ABCC10: variants seen among roughly 807,000 people sequenced by gnomAD.
The protein encoded by ABCC10 is ATP-binding cassette sub-family C member 10.
Under a neutral mutation model 143.2 loss-of-function variants are expected in ABCC10, and 110 were observed. That is an observed-to-expected ratio of 0.77 (90% confidence interval 0.66 to 0.90). The LOEUF is 0.90. Ranked by LOEUF, ABCC10 falls within the 40% of genes least tolerant of loss-of-function variation. The pLI is 0.00. For missense variants in ABCC10, 1,700 were observed against 1,900.5 expected (o/e 0.89, Z 1.96); for synonymous variants, 805 against 846.7 (o/e 0.95, Z 0.85).
In ABCC10 at chr6:43,444,906, G is replaced by A. The variant is rs763133681; in HGVS notation, c.2808G>A (p.Pro936=). The change falls in exon 13 of 22, where the codon CCG becomes CCA. Residue 936 remains proline, a synonymous_variant. Coordinates refer to ENST00000372530, the MANE Select transcript of ABCC10 (RefSeq NM_001198934.2). ...TSPASMGLFS[P]QLLLFSPGNL... Reference sequence around the variant, plus strand: ...CAGCTTCTATGGGGCTCTTCTCTCCGCAGCTGCTCCTCTTTTCCCCTGGAA... The same window carrying A: ...CAGCTTCTATGGGGCTCTTCTCTCCACAGCTGCTCCTCTTTTCCCCTGGAA... 25 of 1,613,638 alleles carry A rather than the reference G, an allele frequency of 1.5e-5. No homozygotes were observed. The Middle Eastern group carries it at 4.9e-4, about 32-fold the overall frequency.
Position 43,432,578 on chromosome 6 carries a change from G to A in ABCC10, c.598G>A (p.Ala200Thr), listed in dbSNP as rs1781252647. 1.2e-6 allele frequency: 2 copies of A among 1,613,696 alleles called. No homozygotes were observed. Among genetic ancestry groups the A allele is most frequent in the Non-Finnish European group, 8.5e-7 (1 of 1,180,016 alleles). Residue 200 changes from alanine to threonine, a missense_variant, in exon 3 of 22, where the codon GCT becomes ACT. By Grantham distance (58) the Ala-to-Thr change is moderately conservative. Transcript: ENST00000372530. The stretch of plus-strand genomic sequence containing the variant: ...TCCTGGGGGACCACGAGAACCCTGG[G>A]CTCAGGAGCCCCTCCTGCCCGAGGA... Reference protein sequence around the residue: ...AAPGGPREPWAQEPLLPEDQE... With the variant: ...AAPGGPREPWTQEPLLPEDQE...
chr6:43,436,125 C>G lies in ABCC10; in HGVS notation c.1766-13C>G. On this transcript the variant is annotated splice_polypyrimidine_tract_variant and intron_variant, in intron 5 of 21. Transcript: ENST00000372530. ...TAGATTAGGAGCCCAAATCAAGTGG[C>G]TTCTCTGTTCAGATCCCCCTGCAGA... 6.2e-7 allele frequency: 1 copy of G among 1,614,158 alleles called. No homozygotes were observed. Among genetic ancestry groups the G allele is most frequent in the Non-Finnish European group, 8.5e-7 (1 of 1,179,972 alleles).
In ABCC10 at chr6:43,448,883, C is replaced by T. The variant is rs762987230; in HGVS notation, c.3962C>T (p.Ser1321Phe). ...TSQLELAQLR[S>F]QLAIIPQEPF... The stretch of plus-strand genomic sequence containing the variant: ...GACTCCATGTCATTGTCCCCCAGAT[C>T]CCAGTTGGCTATCATCCCCCAGGAG... Residue 1321 changes from serine to phenylalanine, a missense_variant and splice_region_variant, in exon 19 of 22, where the codon TCC (serine) becomes TTC (phenylalanine). By Grantham distance (155) the Ser-to-Phe change is radical. Transcript: ENST00000372530. 6.2e-6 allele frequency: 10 copies of T among 1,610,662 alleles called. No homozygotes were observed. The South Asian group carries it at 8.8e-5, about 14-fold the overall frequency.
intron 16 of ABCC10, 47 bp from the exon 17 acceptor site, chr6:43,447,200 CG>C: frequency 6.3e-7 from 1 of 1,588,318 alleles, no homozygotes; most frequent in Non-Finnish European, 8.6e-7. Flanking sequence ...CTCCCACAAA[CG>C]TCCCGGTGTC....
rs1466463140 is a variant in ABCC10 at position 43,433,096 on chromosome 6, C to A, written c.1116C>A (p.Pro372=). ...ACTGCAAGGCTTTACAGCTGGGGCC[C>A]AGCCGCCCTCCTACTGGGGAGGCCC... ...ILYCKALQLG[P]SRPPTGEALN... Residue 372 remains proline (P), a synonymous_variant, in exon 3 of 22, where the codon CCC becomes CCA. Transcript: ENST00000372530. 2 of 1,614,138 alleles carry A rather than the reference C, an allele frequency of 1.2e-6. No homozygotes were observed. Among genetic ancestry groups the A allele is most frequent in the Non-Finnish European group, 1.7e-6 (2 of 1,180,010 alleles).
chr6:43,440,489 G>C (rs559969132), intron 8 of ABCC10, among the ~76,000 whole-genome samples: 211 of 152,240 alleles, frequency 1.4e-3, no homozygotes, highest in African/African-American at 4.6e-3. Flanking sequence ...TTGGCCAGGC[G>C]TGGTGGCTCA....
Position 43,432,822 on chromosome 6 carries a change from T to C in ABCC10, c.842T>C (p.Phe281Ser). 6.2e-7 allele frequency: 1 copy of C among 1,614,152 alleles called. No homozygotes were observed. The highest frequency in any genetic ancestry group is 8.5e-7 in the Non-Finnish European group (1 of 1,180,036). ...ARLWRALYGA[F>S]GRCYLALGLL... ...CTGTGGAGGGCCTTGTATGGGGCCT[T>C]TGGACGGTGCTATCTGGCACTTGGA... Residue 281 changes from phenylalanine (F) to serine (S), a missense_variant, in exon 3 of 22, where the codon TTT (phenylalanine) becomes TCT (serine). Coordinates refer to ENST00000372530, the MANE Select transcript of ABCC10 (RefSeq NM_001198934.2).
intron 7 of ABCC10, 130 bp downstream of exon 7, chr6:43,438,143 G>C: frequency 9.1e-7 from 1 of 1,101,306 alleles, no homozygotes; most frequent in South Asian, 1.5e-5. Context: ...TTTATTGGGA[G>C]AGTTTTCAAT....
chr6:43,440,812 C>T (rs2127398770), intron 8 of ABCC10, among the ~76,000 whole-genome samples: 1 of 126,318 alleles, frequency 7.9e-6, no homozygotes, highest in East Asian at 2.7e-4. Context: ...TTCAGTGAGC[C>T]AAGATCGCGC....
rs768652334 is a variant in ABCC10 at position 43,432,199 on chromosome 6, C to A, written c.219C>A (p.Ser73=). ...SPGWRLRLAA[S]FLLSVFPLLD... ...GATGGCGCCTCCGACTTGCAGCTTC[C>A]TTCCTGCTTTCCGTCTTCCCGCTGC... The change falls in exon 3 of 22, where the codon TCC becomes TCA. Residue 73 remains serine, a synonymous_variant. Transcript: ENST00000372530. 6.2e-7 allele frequency: 1 copy of A among 1,614,134 alleles called. No homozygotes were observed. The highest frequency in any genetic ancestry group is 1.3e-5 in the African/African-American group (1 of 74,950).
chr6:43,445,540 G>A, intron 14 of ABCC10, 59 bp from the exon 15 acceptor site: 2 of 1,475,804 alleles, frequency 1.4e-6, no homozygotes, highest in Non-Finnish European at 9.4e-7. Flanking sequence ...CCCCAGTGCT[G>A]CCTGCCAACC....
At chr6:43,440,616 C>T (rs1421850451) in intron 8 of ABCC10, among the ~76,000 whole-genome samples, 1 of 151,650 alleles carries the variant, frequency 6.6e-6, no homozygotes, top group Non-Finnish European at 1.5e-5. Flanking sequence ...GTAATCCCAG[C>T]ACTTTGGAAG....
rs757235218 is a variant in ABCC10, at chr6:43,434,521, G to C, written c.1381-100G>C. On this transcript the variant is annotated intron_variant, in intron 3 of 21. Transcript: ENST00000372530. The stretch of plus-strand genomic sequence containing the variant: ...GCAGTGCAGAGTATCTGGGAGCTTA[G>C]AGTACTGAACATTCTGCCAGCAGCC... The C allele has an allele frequency of 5.6e-6, 6 of 1,074,850 alleles. No homozygotes were observed. The East Asian group carries it at 1.4e-4, about 25-fold the overall frequency. 66.6% of individuals were successfully genotyped at this position (1,074,850 alleles called of 1,614,324 possible).
At chr6:43,429,361 TC>T (rs1780856511) in intron 2 of ABCC10, among the ~76,000 whole-genome samples, 1 of 139,142 alleles carries the variant, frequency 7.2e-6, no homozygotes, top group Non-Finnish European at 1.6e-5. Context: ...TTTCTTTCTT[TC>T]TTTTCTTTCT....
intron 18 of ABCC10, 104 bp from the exon 19 acceptor site, chr6:43,448,777 A>T: frequency 7.0e-7 from 1 of 1,420,500 alleles, no homozygotes; most frequent in Non-Finnish European, 9.6e-7. Context: ...TTCAGGTCTC[A>T]TACCCAGGCT....
At chr6:43,449,261 G>A (rs1050340570) in intron 20 of ABCC10, 57 bp downstream of exon 20, 15 of 1,588,606 alleles carry the variant, frequency 9.4e-6, no homozygotes, top group Non-Finnish European at 1.3e-5. Context: ...GGGGCCGGGA[G>A]GTGGGGAGGT....
At chr6:43,444,998 T>C (rs1782878221) in intron 13 of ABCC10, 60 bp downstream of exon 13, 5 of 1,577,608 alleles carry the variant, frequency 3.2e-6, no homozygotes, top group Non-Finnish European at 4.3e-6. Context: ...AGGCAGGGAG[T>C]GAGGGTTGTG....
chr6:43,432,083 G>T lies in ABCC10; in HGVS notation c.162-59G>T, dbSNP rs78956665. 10,450 of 1,586,046 alleles carry T rather than the reference G, an allele frequency of 6.6e-3. 36 individuals carry two copies. Among genetic ancestry groups the T allele is most frequent in the Non-Finnish European group, 7.9e-3 (9,257 of 1,164,502 alleles). On this transcript the variant is annotated intron_variant, in intron 2 of 21. Transcript: ENST00000372530. ...GTAAGTGAATTATTGGAGGTGAGGGGTATGTCTGGCTCCTGAGTCAGCCAC... is the reference window on the plus strand; with the variant it reads ...GTAAGTGAATTATTGGAGGTGAGGGTTATGTCTGGCTCCTGAGTCAGCCAC...
Position 43,449,473 on chromosome 6 carries a change from C to G in ABCC10, c.4255C>G (p.Leu1419Val). 6.2e-7 allele frequency: 1 copy of G among 1,614,074 alleles called. No individual in the cohort carries two copies. The highest frequency in any genetic ancestry group is 2.2e-5 in the East Asian group (1 of 44,884). Residue 1419 changes from leucine (L) to valine (V), a missense_variant, in exon 21 of 22, where the codon CTG (leucine) becomes GTG (valine). Leu to Val is a conservative substitution (Grantham distance 32). Transcript: ENST00000372530. Reference sequence around the variant, plus strand: ...AAGTGTGGACCAGAAGACAGACCAGCTGCTCCAGCAGACCATCTGCAAACG... The same window carrying G: ...AAGTGTGGACCAGAAGACAGACCAGGTGCTCCAGCAGACCATCTGCAAACG... ...TASVDQKTDQLLQQTICKRFA... is the reference protein window; with the variant it reads ...TASVDQKTDQVLQQTICKRFA...
Sources: allele counts gnomAD v4.1 joint callset (sites outside exome capture counted in the v4.1 genomes callset), GRCh38; gene constraint gnomAD v4.1.1; transcripts MANE v1.5; gene names NCBI Gene and HGNC (gene_info 2026-07-23, HGNC 2026-07-21).